The following ZNF786 variants were observed in gnomAD, a reference collection of about 807,000 sequenced individuals.
ZNF786 encodes the protein zinc finger protein 786.
Under a neutral mutation model 63.1 loss-of-function variants are expected in ZNF786, and 56 were observed. The ratio of observed to expected loss-of-function variants is 0.89; its 90% CI spans 0.72 to 1.11. The LOEUF is 1.11. Among genes scored for constraint, ZNF786 ranks in the 50% least tolerant of loss-of-function variants. ZNF786 has a pLI of 0.00. For missense variants in ZNF786, 1,213 were observed against 1,041.8 expected, an observed-to-expected ratio of 1.16 and a Z score of -2.26; for synonymous variants, 485 against 406.9, an observed-to-expected ratio of 1.19 and a Z score of -2.31.
Position 149,080,578 on chromosome 7 carries a change from G to T in ZNF786, c.145+13C>A. 6.3e-7 allele frequency: 1 copy of T among 1,579,094 alleles called. No homozygotes were observed. Among genetic ancestry groups the T allele is most frequent in the Admixed American group, 2.0e-5 (1 of 51,160 alleles). On this transcript the variant is annotated intron_variant, in intron 2 of 3. Coordinates refer to ENST00000491431, the MANE Select transcript of ZNF786 (RefSeq NM_152411.4). ...AGTTCCATGACCTACCCACAAAGGT[G>T]AACAGGTCTTACCTAGAGAGACGAG... is the stretch of plus-strand genomic sequence containing the variant.
chr7:149,085,472 C>G (rs1257141758), intron 1 of ZNF786, among the ~76,000 whole-genome samples: 1 of 152,116 alleles, frequency 6.6e-6, no homozygotes, highest in South Asian at 2.1e-4. Flanking sequence ...TCCTAGCTAC[C>G]TGAGAGGCTG....
intron 2 of ZNF786, among the ~76,000 whole-genome samples, chr7:149,077,210 C>T (rs1054246319): frequency 6.6e-6 from 1 of 152,194 alleles, no homozygotes; most frequent in Admixed American, 6.6e-5. Flanking sequence ...TCTTTAGGAT[C>T]AGCTTATCAA....
chr7:149,074,600 A>G (rs1825509464), intron 2 of ZNF786, 62 bp from the exon 3 acceptor site: 1 of 1,540,686 alleles, frequency 6.5e-7, no homozygotes, highest in Admixed American at 2.2e-5. Context: ...CTAAGTTTCT[A>G]AATTTCTCAA....
intron 3 of ZNF786, among the ~76,000 whole-genome samples, chr7:149,073,081 T>G (rs1585461617): frequency 6.6e-6 from 1 of 152,120 alleles, no homozygotes; most frequent in African/African-American, 2.4e-5. Context: ...GGCCTATTCC[T>G]CCCTCCCTGC....
At chr7:149,079,907 G>A (rs576046277) in intron 2 of ZNF786, among the ~76,000 whole-genome samples, 1 of 149,272 alleles carries the variant, frequency 6.7e-6, no homozygotes, top group East Asian at 2.1e-4. Context: ...AGGCGTAGTG[G>A]CTCACGCCTG....
chr7:149,086,542 C>T (rs1473924092), intron 1 of ZNF786, among the ~76,000 whole-genome samples: 7 of 152,006 alleles, frequency 4.6e-5, no homozygotes, highest in African/African-American at 9.7e-5. Flanking sequence ...GCAGGAGAAT[C>T]GCTTGAACCC....
Position 149,070,570 on chromosome 7 carries a change from A to G in ZNF786, c.2202T>C (p.Cys734=), listed in dbSNP as rs1248549679. ...AAATGAAGCCCTTCCCACAATCGCC[A>G]CAGGCAAAGGGCCTCTCGGGCCTGT... ...RIHRPERPFA[C]GDCGKGFIYK... is the part of the protein sequence containing the mutation. Residue 734 remains cysteine, a synonymous_variant, in exon 4 of 4, where the codon TGT becomes TGC. Coordinates refer to ENST00000491431, the MANE Select transcript of ZNF786 (RefSeq NM_152411.4). The G allele has an allele frequency of 1.2e-6, 2 of 1,614,006 alleles. No individual in the cohort carries two copies. The highest frequency in any genetic ancestry group is 3.3e-5 in the Admixed American group (2 of 60,012).
chr7:149,077,330 GATTA>G (rs1294268336), intron 2 of ZNF786, among the ~76,000 whole-genome samples: 1 of 152,134 alleles, frequency 6.6e-6, no homozygotes, highest in African/African-American at 2.4e-5. Flanking sequence ...CTGACTATTA[GATTA>G]AGAAGATGGG....
intron 1 of ZNF786, among the ~76,000 whole-genome samples, chr7:149,088,944 C>T (rs1719662782): frequency 6.9e-6 from 1 of 144,336 alleles, no homozygotes. Flanking sequence ...TGGGATCTGG[C>T]CCTGTTGAGT....
At chr7:149,090,390 T>G (rs1349101288) in intron 1 of ZNF786, among the ~76,000 whole-genome samples, 1 of 152,100 alleles carries the variant, frequency 6.6e-6, no homozygotes, top group Non-Finnish European at 1.5e-5. Flanking sequence ...TAGGTCGGCC[T>G]CGGTCCACGC....
At chr7:149,085,021 T>C (rs2129516837) in intron 1 of ZNF786, among the ~76,000 whole-genome samples, 1 of 152,330 alleles carries the variant, frequency 6.6e-6, no homozygotes, top group East Asian at 1.9e-4. Context: ...GCTAGCCAGT[T>C]ATCCCAGCAC....
intron 2 of ZNF786, among the ~76,000 whole-genome samples, chr7:149,075,189 G>A (rs1308933759): frequency 6.6e-6 from 1 of 152,162 alleles, no homozygotes; most frequent in Non-Finnish European, 1.5e-5. Flanking sequence ...TTTAAAGCAA[G>A]TTGGTTATGG....
intron 1 of ZNF786, among the ~76,000 whole-genome samples, chr7:149,083,261 G>T (rs1585469499): frequency 6.6e-6 from 1 of 151,314 alleles, no homozygotes; most frequent in Admixed American, 6.6e-5. Flanking sequence ...TTTTGCCCAG[G>T]TTGGAGTAAA....
chr7:149,090,543 C>G, intron 1 of ZNF786, 80 bp downstream of exon 1: 1 of 1,411,788 alleles, frequency 7.1e-7, no homozygotes, highest in Non-Finnish European at 9.4e-7. Flanking sequence ...TCACGGGGAC[C>G]CCAGGACACG....
intron 2 of ZNF786, among the ~76,000 whole-genome samples, chr7:149,077,409 T>TGA (rs547393031): frequency 3.4e-5 from 5 of 147,666 alleles, no homozygotes; most frequent in Non-Finnish European, 6.0e-5. Context: ...GGGTGGATCA[T>TGA]GAGGTCAGCA....
chr7:149,071,461 C>T lies in ZNF786; in HGVS notation c.1311G>A (p.Gln437=), dbSNP rs1236041633. The change falls in exon 4 of 4, where the codon CAG becomes CAA. Residue 437 remains glutamine (Q), a synonymous_variant. Transcript: ENST00000491431. ...CTCGAATGTGCTCCGTGAGTTTACACTGCTTGGCGAAGCCCTTGCCACACT... is the reference window on the plus strand; with the variant it reads ...CTCGAATGTGCTCCGTGAGTTTACATTGCTTGGCGAAGCCCTTGCCACACT... ...CRKCGKGFAK[Q]CKLTEHIRVH... 3 of 1,611,556 alleles carry T rather than the reference C, an allele frequency of 1.9e-6. No homozygotes were observed. The highest frequency in any genetic ancestry group is 2.5e-6 in the Non-Finnish European group (3 of 1,179,302).
chr7:149,087,704 G>A (rs1292128600), intron 1 of ZNF786, among the ~76,000 whole-genome samples: 1 of 152,008 alleles, frequency 6.6e-6, no homozygotes, highest in African/African-American at 2.4e-5. Context: ...TCTCATTTCA[G>A]ATAACCTTCC....
intron 3 of ZNF786, among the ~76,000 whole-genome samples, chr7:149,072,936 T>C (rs1344300725): frequency 6.6e-6 from 1 of 152,220 alleles, no homozygotes; most frequent in Non-Finnish European, 1.5e-5. Flanking sequence ...GCTGTTCTCA[T>C]GACTTCAGGA....
At chr7:149,079,465 CA>C (rs1563138976) in intron 2 of ZNF786, among the ~76,000 whole-genome samples, 1 of 150,658 alleles carries the variant, frequency 6.6e-6, no homozygotes. Context: ...CTTCTCTGAA[CA>C]GACTGATTTT....
Sources: gnomAD v4.1 joint callset for allele counts (sites outside exome capture counted in the v4.1 genomes callset) on GRCh38, gnomAD v4.1.1 for gene constraint, MANE v1.5 for transcripts, NCBI Gene and HGNC (gene_info 2026-07-23, HGNC 2026-07-21) for gene names.